The following CCDC32 variants were observed in gnomAD, a reference collection of about 807,000 sequenced individuals.
CCDC32 encodes the protein coiled-coil domain-containing protein 32.
Under a neutral mutation model 20.1 loss-of-function variants are expected in CCDC32, and 9 were observed. That is an observed-to-expected ratio of 0.45 (90% CI 0.27 to 0.78). The LOEUF is 0.78. Ranked by LOEUF, CCDC32 falls within the 30% of genes least tolerant of loss-of-function variation. The probability of loss-of-function intolerance (pLI) is 0.16; values close to 1 mark genes in which losing one functional copy is unlikely to be tolerated. For missense variants in CCDC32, 204 were observed against 215.5 expected, an observed-to-expected ratio of 0.95 and a Z score of 0.33; for synonymous variants, 63 against 79.0, an observed-to-expected ratio of 0.80 and a Z score of 1.07.
Position 40,564,815 on chromosome 15 carries a change from C to G in CCDC32, c.-13+161G>C, listed in dbSNP as rs764409948. On this transcript the variant is annotated intron_variant, in intron 1 of 3. Coordinates refer to ENST00000416810, the MANE Select transcript of CCDC32 (RefSeq NM_001080792.4). The stretch of plus-strand genomic sequence containing the variant: ...CCCCAGGGCAGGGCGTCCAGAACCA[C>G]GCAGGAAATTCCGGCGTCCAGATCC... 19 of 1,613,950 alleles carry G rather than the reference C, an allele frequency of 1.2e-5. No homozygotes were observed. In the Admixed American group the frequency reaches 3.2e-4, roughly 27 times the overall value.
At chr15:40,551,178 C>T (rs377027065), downstream of CCDC32, among the ~76,000 whole-genome samples, 1 of 152,056 alleles carries the variant, frequency 6.6e-6, no homozygotes, top group Admixed American at 6.6e-5. Context: ...GTCAGGAGAT[C>T]CAGACCATCC....
intron 3 of CCDC32, among the ~76,000 whole-genome samples, chr15:40,555,158 G>A (rs1381769263): frequency 6.6e-6 from 1 of 152,190 alleles, no homozygotes; most frequent in Non-Finnish European, 1.5e-5. Flanking sequence ...CATTCCCACA[G>A]ATGTAGGCTC....
At chr15:40,534,337 G>C (rs541631914), downstream of CCDC32, 1 of 154,014 alleles carries the variant, frequency 6.5e-6, no homozygotes, top group Non-Finnish European at 1.4e-5. Context: ...ACTGGAGACT[G>C]GGTAATTTGT....
downstream of CCDC32, among the ~76,000 whole-genome samples, chr15:40,532,833 C>T (rs1394890751): frequency 2.0e-5 from 3 of 150,508 alleles, no homozygotes; most frequent in Admixed American, 6.6e-5. Flanking sequence ...TTGATCCTCC[C>T]ACTTCAGGCT....
intron 3 of CCDC32, among the ~76,000 whole-genome samples, chr15:40,547,093 C>T (rs2412532): frequency 0.52 from 79,117 of 151,664 alleles, 21,952 homozygotes; most frequent in East Asian, 0.74. Context: ...GTGGGGCTGC[C>T]TCTTCTGTCA....
At chr15:40,563,142 C>T in intron 1 of CCDC32, 115 bp from the exon 2 acceptor site, 1 of 1,253,574 alleles carries the variant, frequency 8.0e-7, no homozygotes, top group South Asian at 1.4e-5. Context: ...GCAGTCAGAT[C>T]ATTTGAGGCC....
intron 3 of CCDC32, among the ~76,000 whole-genome samples, chr15:40,543,335 G>C (rs1285018922): frequency 1.3e-5 from 2 of 152,098 alleles, no homozygotes; most frequent in African/African-American, 4.8e-5. Context: ...TGGAGGGCGG[G>C]CATGGAAACC....
At chr15:40,539,117 G>T, downstream of CCDC32, 1 of 795,184 alleles carries the variant, frequency 1.3e-6, no homozygotes. Flanking sequence ...AAGCCCTGAG[G>T]GCTGGGCCAG....
the CCDC32 span, among the ~76,000 whole-genome samples, chr15:40,523,220 A>G: frequency 6.6e-6 from 1 of 151,516 alleles, no homozygotes; most frequent in Non-Finnish European, 1.5e-5. Flanking sequence ...AAAGGTGGAT[A>G]AGCGCTGGGC....
downstream of CCDC32, chr15:40,534,631 G>T: frequency 2.7e-6 from 1 of 373,806 alleles, no homozygotes; most frequent in Non-Finnish European, 4.9e-6. Flanking sequence ...TTCAAGATGA[G>T]ACTTGGATTG....
downstream of CCDC32, among the ~76,000 whole-genome samples, chr15:40,550,120 C>T (rs772167042): frequency 1.3e-5 from 2 of 152,228 alleles, no homozygotes; most frequent in Non-Finnish European, 2.9e-5. Flanking sequence ...CGGGAGAGAA[C>T]AGCAGCAGTC....
At chr15:40,555,566 G>T (rs966239237) in intron 3 of CCDC32, among the ~76,000 whole-genome samples, 21 of 152,306 alleles carry the variant, frequency 1.4e-4, no homozygotes, top group African/African-American at 4.8e-4. Flanking sequence ...GACCTTTAGA[G>T]ATAGAAAAGA....
At chr15:40,526,697 A>G (rs1894904146), downstream of CCDC32, among the ~76,000 whole-genome samples, 2 of 152,174 alleles carry the variant, frequency 1.3e-5, no homozygotes, top group Non-Finnish European at 1.5e-5. Flanking sequence ...CAGATCACCT[A>G]AGGTCAGGAG....
chr15:40,549,449 A>C (rs981111600), downstream of CCDC32, among the ~76,000 whole-genome samples: 7 of 151,964 alleles, frequency 4.6e-5, no homozygotes, highest in African/African-American at 1.7e-4. Context: ...ATTCATTTCT[A>C]TGGACTCAGC....
downstream of CCDC32, among the ~76,000 whole-genome samples, chr15:40,524,663 G>A (rs1234016996): frequency 6.6e-6 from 1 of 151,496 alleles, no homozygotes; most frequent in East Asian, 1.9e-4. Context: ...ATGATGGAAA[G>A]GCTCTGTCTT....
chr15:40,555,481 C>G (rs1230916577), intron 3 of CCDC32, among the ~76,000 whole-genome samples: 1 of 152,002 alleles, frequency 6.6e-6, no homozygotes, highest in Non-Finnish European at 1.5e-5. Flanking sequence ...AAGTAAATAC[C>G]AAATTATCAG....
At chr15:40,531,629 G>A (rs1414843415), downstream of CCDC32, 1 of 151,886 alleles carries the variant, frequency 6.6e-6, no homozygotes, top group East Asian at 1.9e-4. Flanking sequence ...TGTTGTTGTT[G>A]TTTGAGACAG....
intron 2 of CCDC32, chr15:40,557,695 T>C (rs372447033): frequency 5.1e-6 from 1 of 197,414 alleles, no homozygotes; most frequent in Non-Finnish European, 1.0e-5. Context: ...GGAATGCTTG[T>C]TTTCCCTGGT....
intron 3 of CCDC32, among the ~76,000 whole-genome samples, chr15:40,540,167 G>A (rs1407660311): frequency 6.6e-6 from 1 of 152,066 alleles, no homozygotes; most frequent in East Asian, 1.9e-4. Context: ...CAGGCTCAGA[G>A]CTCTGACTAG....
Sources: allele counts gnomAD v4.1 joint callset (sites outside exome capture counted in the v4.1 genomes callset), GRCh38; gene constraint gnomAD v4.1.1; transcripts MANE v1.5; gene names NCBI Gene and HGNC (gene_info 2026-07-23, HGNC 2026-07-21).